Variants in RALA observed in about 807,000 individuals in gnomAD.
The protein encoded by RALA is RAS like proto-oncogene A.
In RALA, 5 loss-of-function variants were observed where a neutral mutation model predicts 24.0. That is an observed-to-expected ratio of 0.21 (90% confidence interval 0.11 to 0.44). RALA has a LOEUF of 0.44. RALA is among the 20% of genes least tolerant of loss of function. The probability of loss-of-function intolerance (pLI) is 0.99; values close to 1 mark genes in which losing one functional copy is unlikely to be tolerated. For synonymous variants in RALA, 77 were observed against 83.8 expected (o/e 0.92, Z 0.44); for missense variants, 95 against 241.2 (o/e 0.39, Z 4.01).
intron 2 of RALA, among the ~76,000 whole-genome samples, chr7:39,687,574 A>G (rs920983124): frequency 2.6e-5 from 4 of 152,242 alleles, no homozygotes; most frequent in Non-Finnish European, 4.4e-5. Context: ...ATGTATTCAT[A>G]TCAGACTTCA....
intron 1 of RALA, among the ~76,000 whole-genome samples, chr7:39,678,560 T>C (rs1792529232): frequency 6.6e-6 from 1 of 152,156 alleles, no homozygotes; most frequent in African/African-American, 2.4e-5. Context: ...ATAGGTTCTA[T>C]AGTATTATTC....
intron 1 of RALA, among the ~76,000 whole-genome samples, chr7:39,668,477 C>T (rs984074259): frequency 2.6e-5 from 4 of 152,226 alleles, no homozygotes; most frequent in African/African-American, 2.4e-5. Context: ...ATTACATAGC[C>T]ATTAAAAATT....
At chr7:39,654,051 G>A (rs1792059183) in intron 1 of RALA, among the ~76,000 whole-genome samples, 1 of 152,176 alleles carries the variant, frequency 6.6e-6, no homozygotes, top group Non-Finnish European at 1.5e-5. Context: ...GCCCATTGAA[G>A]GCTGGAGAGC....
At chr7:39,650,877 T>A (rs1488720270) in intron 1 of RALA, among the ~76,000 whole-genome samples, 1 of 152,220 alleles carries the variant, frequency 6.6e-6, no homozygotes, top group Non-Finnish European at 1.5e-5. Flanking sequence ...CGTATCTTAT[T>A]CATGGCTATT....
At chr7:39,692,038 C>G (rs906645908) in intron 3 of RALA, among the ~76,000 whole-genome samples, 1 of 152,158 alleles carries the variant, frequency 6.6e-6, no homozygotes, top group African/African-American at 2.4e-5. Flanking sequence ...GGGCGTACCT[C>G]CAATGCCTCT....
chr7:39,698,605 C>T (rs1792962585), intron 4 of RALA, among the ~76,000 whole-genome samples: 1 of 152,210 alleles, frequency 6.6e-6, no homozygotes. Flanking sequence ...GTTGAACATT[C>T]TCATAGCATA....
chr7:39,628,376 TACACACACAC>T (rs36095637), intron 1 of RALA, among the ~76,000 whole-genome samples: 3,922 of 145,124 alleles, frequency 0.027, 203 homozygotes, highest in African/African-American at 0.094. Context: ...ACCTCATAAC[TACACACACAC>T]ACACACACAC....
intron 3 of RALA, among the ~76,000 whole-genome samples, chr7:39,693,893 G>A (rs546930499): frequency 6.6e-6 from 1 of 152,322 alleles, no homozygotes; most frequent in Admixed American, 6.5e-5. Flanking sequence ...CCCATAGTCT[G>A]TGCGGCCTAT....
chr7:39,680,663 T>A (rs1052778263), intron 1 of RALA, among the ~76,000 whole-genome samples: 1 of 152,194 alleles, frequency 6.6e-6, no homozygotes, highest in Non-Finnish European at 1.5e-5. Flanking sequence ...CTTAAATCTT[T>A]GATCTACTTA....
chr7:39,652,431 T>C (rs1232781555), intron 1 of RALA, among the ~76,000 whole-genome samples: 1 of 152,174 alleles, frequency 6.6e-6, no homozygotes, highest in East Asian at 1.9e-4. Flanking sequence ...GATATTTGCA[T>C]TAGTTTTTAA....
chr7:39,690,783 T>C (rs1276973685), intron 3 of RALA, among the ~76,000 whole-genome samples, 193 bp downstream of exon 3: 3 of 152,236 alleles, frequency 2.0e-5, no homozygotes, highest in African/African-American at 7.2e-5. Flanking sequence ...CTTTGCATAG[T>C]CTTACAGCTC....
intron 1 of RALA, among the ~76,000 whole-genome samples, chr7:39,640,426 A>G (rs1791792498): frequency 6.6e-6 from 1 of 152,186 alleles, no homozygotes; most frequent in Non-Finnish European, 1.5e-5. Context: ...AGCCATTCAC[A>G]TATCTTCTTT....
intron 1 of RALA, among the ~76,000 whole-genome samples, chr7:39,633,131 G>A (rs938073632): frequency 2.6e-5 from 4 of 152,214 alleles, no homozygotes; most frequent in Admixed American, 2.6e-4. Context: ...CTTAAGTGGT[G>A]TGTGTGCTTT....
At position 39,686,775 on chromosome 7, in the gene RALA, C is replaced by T. The variant is rs1164540457; in HGVS notation, c.108C>T (p.Tyr36=). The stretch of plus-strand genomic sequence containing the variant: ...CAGCTCTGACTCTACAGTTCATGTA[C>T]GATGAGGTAAGTGCTAATTTTATAA... The part of the protein sequence containing the change: ...GKSALTLQFM[Y]DEFVEDYEPT... The change falls in exon 2 of 5, where the codon TAC becomes TAT. Residue 36 remains tyrosine, a synonymous_variant. Coordinates refer to ENST00000005257, the MANE Select transcript of RALA (RefSeq NM_005402.4). The T allele has an allele frequency of 7.5e-6, 12 of 1,609,988 alleles. No individual in the cohort carries two copies. Among genetic ancestry groups the T allele is most frequent in the Non-Finnish European group, 8.5e-6 (10 of 1,176,302 alleles).
intron 1 of RALA, among the ~76,000 whole-genome samples, chr7:39,680,616 A>AT (rs947365837): frequency 6.6e-6 from 1 of 151,268 alleles, no homozygotes; most frequent in East Asian, 1.9e-4. Flanking sequence ...GTTCTTTCAT[A>AT]TTTTTTTCCT....
At chr7:39,690,626 C>T (rs1792798515) in intron 3 of RALA, 36 bp downstream of exon 3, 9 of 1,483,946 alleles carry the variant, frequency 6.1e-6, no homozygotes, top group Non-Finnish European at 8.3e-6. Context: ...TTGTGACATA[C>T]TATACAACAA....
intron 1 of RALA, among the ~76,000 whole-genome samples, chr7:39,644,906 AGG>A (rs1791899076): frequency 6.6e-6 from 1 of 152,226 alleles, no homozygotes; most frequent in African/African-American, 2.4e-5. Context: ...GTGAAATTTT[AGG>A]TACTTCATTT....
intron 1 of RALA, among the ~76,000 whole-genome samples, chr7:39,650,623 G>A (rs1043085551): frequency 6.6e-5 from 10 of 152,086 alleles, no homozygotes; most frequent in Non-Finnish European, 1.3e-4. Flanking sequence ...GCGGGTTCTT[G>A]GAAGGGGCCC....
intron 1 of RALA, among the ~76,000 whole-genome samples, chr7:39,639,806 ACCGTCCTGTTGCAGGATG>A (rs1477719147): frequency 3.9e-5 from 6 of 152,238 alleles, no homozygotes; most frequent in Non-Finnish European, 7.4e-5. Flanking sequence ...TGAACAGGAC[ACCGTCCTGTTGCAGGATG>A]CCCTCATGCA....
Sources: gnomAD v4.1 joint callset for allele counts (sites outside exome capture counted in the v4.1 genomes callset) on GRCh38, gnomAD v4.1.1 for gene constraint, MANE v1.5 for transcripts, NCBI Gene and HGNC (gene_info 2026-07-23, HGNC 2026-07-21) for gene names.